Variants in FOXP1 observed in about 807,000 individuals in gnomAD.
FOXP1 encodes the protein forkhead box protein P1.
A neutral mutation model predicts 98.2 loss-of-function variants in FOXP1; 15 were observed. That is an observed-to-expected ratio of 0.15 (90% CI 0.10 to 0.24). FOXP1 has a LOEUF of 0.24. FOXP1 is among the 10% of genes least tolerant of loss of function. FOXP1 has a pLI of 1.00. For missense variants in FOXP1, 633 were observed against 848.5 expected (o/e 0.75, Z 3.15); for synonymous variants, 371 against 314.5 (o/e 1.18, Z -1.90).
In FOXP1 at chr3:71,265,029, C is replaced by A. The variant is rs189986198; in HGVS notation, c.-12+34791G>T. 3.3e-5 allele frequency among the ~76,000 whole-genome samples: 5 copies of A among 152,278 alleles called. No individual in the cohort carries two copies. In the East Asian group the frequency reaches 9.7e-4, roughly 29 times the overall value. On this transcript the variant is annotated intron_variant, in intron 5 of 20. Transcript: ENST00000649528. ...TCTGATTCTAGAGTGTGCACGTATA[C>A]ACACTCAGAGGTTCCAGCTGTAAGC...
At chr3:71,026,868 C>G (rs942477352) in intron 11 of FOXP1, among the ~76,000 whole-genome samples, 1 of 152,054 alleles carries the variant, frequency 6.6e-6, no homozygotes, top group African/African-American at 2.4e-5. Flanking sequence ...ACAATGCAAT[C>G]GCAAACAGAG....
intron 11 of FOXP1, among the ~76,000 whole-genome samples, chr3:71,031,950 C>T (rs948501576): frequency 3.9e-5 from 6 of 152,176 alleles, no homozygotes; most frequent in Non-Finnish European, 7.3e-5. Flanking sequence ...GAGTTAACCA[C>T]GTGCTTCAAA....
chr3:71,205,228 T>G (rs1018045803), intron 5 of FOXP1, among the ~76,000 whole-genome samples: 9 of 152,148 alleles, frequency 5.9e-5, no homozygotes, highest in African/African-American at 2.2e-4. Context: ...GACAAACAAA[T>G]GAAACCCATA....
intron 5 of FOXP1, among the ~76,000 whole-genome samples, chr3:71,274,258 A>T (rs2070678416): frequency 6.6e-6 from 1 of 152,194 alleles, no homozygotes. Context: ...CAAACAGGAA[A>T]CAGAAGATAC....
At chr3:71,019,851 C>A (rs934390505) in intron 11 of FOXP1, among the ~76,000 whole-genome samples, 7 of 126,166 alleles carry the variant, frequency 5.5e-5, no homozygotes, top group South Asian at 2.7e-4. Flanking sequence ...CCAAAAAAAA[C>A]AAAACAAAAC....
chr3:71,581,650 G>A lies in FOXP1; in HGVS notation c.-399C>T, dbSNP rs2048179037. ...GCGCCGCTGCCGCTGCCCCCGGCCCGCTCGCTCGCTCGCCGCGCGCTCTCT... is the reference window on the plus strand; with the variant it reads ...GCGCCGCTGCCGCTGCCCCCGGCCCACTCGCTCGCTCGCCGCGCGCTCTCT... On this transcript the variant is annotated 5_prime_UTR_variant, in exon 2 of 21. Transcript: ENST00000649528. The A allele has an allele frequency of 3.0e-6, 3 of 985,812 alleles. No individual in the cohort carries two copies. The highest frequency in any genetic ancestry group is 3.5e-5 in the African/African-American group (2 of 57,342). 61.1% of individuals were successfully genotyped at this position (985,812 alleles called of 1,614,324 possible). A position where few individuals can be genotyped will look rare whatever the true frequency, so the allele number is the denominator to read the frequency against.
intron 3 of FOXP1, among the ~76,000 whole-genome samples, chr3:71,464,160 C>G (rs1234451228): frequency 6.6e-6 from 1 of 152,138 alleles, no homozygotes; most frequent in Non-Finnish European, 1.5e-5. Flanking sequence ...TGCTGTGGTC[C>G]CAGCTACTTG....
At chr3:71,190,821 TG>T (rs1218994270) in intron 6 of FOXP1, among the ~76,000 whole-genome samples, 8 of 152,128 alleles carry the variant, frequency 5.3e-5, no homozygotes, top group African/African-American at 1.9e-4. Context: ...GGAGATAATG[TG>T]GCTCTATTTT....
chr3:71,140,197 T>C (rs1308306400), intron 6 of FOXP1, among the ~76,000 whole-genome samples: 2 of 152,196 alleles, frequency 1.3e-5, no homozygotes, highest in African/African-American at 4.8e-5. Flanking sequence ...CATGGTAAGA[T>C]ATCTTAGAGA....
intron 5 of FOXP1, among the ~76,000 whole-genome samples, chr3:71,210,150 T>C (rs915708295): frequency 6.6e-6 from 1 of 152,212 alleles, no homozygotes; most frequent in African/African-American, 2.4e-5. Context: ...GTAACAAAAA[T>C]TGTGTTGGTC....
At chr3:71,385,334 A>G (rs888606436) in intron 3 of FOXP1, among the ~76,000 whole-genome samples, 1 of 152,218 alleles carries the variant, frequency 6.6e-6, no homozygotes, top group Non-Finnish European at 1.5e-5. Context: ...TAGAGCATTT[A>G]AAGTTGCCAG....
intron 6 of FOXP1, among the ~76,000 whole-genome samples, chr3:71,152,156 AAGAAGCAAAGGGCTGTGTTGTGG>A (rs1157320677): frequency 6.6e-6 from 1 of 152,134 alleles, no homozygotes; most frequent in East Asian, 1.9e-4. Flanking sequence ...TTGGGTTTTG[AAGAAGCAAAGGGCTGTGTTGTGG>A]AGAGGGCCAC....
At position 71,357,198 on chromosome 3, in the gene FOXP1, G is replaced by A. The variant is rs2078221534; in HGVS notation, c.-73+1952C>T. Among the ~76,000 whole-genome samples the A allele has an allele frequency of 2.6e-5, 4 of 152,280 alleles. No homozygotes were observed. In the South Asian group the frequency reaches 6.2e-4, roughly 24 times the overall value. On this transcript the variant is annotated intron_variant, in intron 4 of 20. Transcript: ENST00000649528. The stretch of plus-strand genomic sequence containing the variant: ...ACTAAGACCTCATGCTAGTACTCAA[G>A]CCTTAATGAAATCTTACATCCACAG...
Position 71,115,317 on chromosome 3 carries a change from T to TTTTATTTATTTATTTATTTATTTATTTA in FOXP1, c.181-2708_181-2681dup, listed in dbSNP as rs10563814. 7.6e-5 allele frequency among the ~76,000 whole-genome samples: 11 copies of TTTTATTTATTTATTTATTTATTTATTTA among 144,124 alleles called. 1 individual carries two copies. Among genetic ancestry groups the TTTTATTTATTTATTTATTTATTTATTTA allele is most frequent in the East Asian group, 4.1e-4 (2 of 4,900 alleles). The allele number at this position is 144,124 out of a possible 152,430, so 94.6% of individuals were successfully genotyped here. On this transcript the variant is annotated intron_variant, in intron 6 of 20. Coordinates refer to ENST00000649528, the MANE Select transcript of FOXP1 (RefSeq NM_001349338.3). ...CACTCAATTATTATTATTATTATTA[T>TTTTATTTATTTATTTATTTATTTATTTA]TTTATTTATTTATTTATTTATTTAT...
At chr3:71,116,515 G>A (rs757055285) in intron 6 of FOXP1, among the ~76,000 whole-genome samples, 1 of 152,148 alleles carries the variant, frequency 6.6e-6, no homozygotes. Context: ...GACAACACTA[G>A]TGCAGAGAAT....
intron 2 of FOXP1, among the ~76,000 whole-genome samples, chr3:71,531,536 A>G (rs1356613438): frequency 1.3e-5 from 2 of 152,176 alleles, no homozygotes; most frequent in Non-Finnish European, 2.9e-5. Context: ...ACAAACAAAT[A>G]AGTGAGGAAA....
intron 14 of FOXP1, among the ~76,000 whole-genome samples, chr3:70,978,601 G>A (rs1216439533): frequency 2.6e-5 from 4 of 152,188 alleles, no homozygotes; most frequent in Non-Finnish European, 4.4e-5. Context: ...ATACTAGACA[G>A]CCCAGGAAGA....
At chr3:71,146,182 A>C (rs1265159321) in intron 6 of FOXP1, among the ~76,000 whole-genome samples, 1 of 152,194 alleles carries the variant, frequency 6.6e-6, no homozygotes, top group Non-Finnish European at 1.5e-5. Context: ...TGCTGTGACT[A>C]ATGATGCCAC....
At chr3:71,189,820 C>T (rs1291960493) in intron 6 of FOXP1, among the ~76,000 whole-genome samples, 3 of 152,210 alleles carry the variant, frequency 2.0e-5, no homozygotes, top group Non-Finnish European at 4.4e-5. Flanking sequence ...AGGTACTGTG[C>T]TGTGTGCTGT....
Sources: allele counts gnomAD v4.1 joint callset (sites outside exome capture counted in the v4.1 genomes callset), GRCh38; gene constraint gnomAD v4.1.1; transcripts MANE v1.5; gene names NCBI Gene and HGNC (gene_info 2026-07-23, HGNC 2026-07-21).